The following RPH3AL variants were observed in gnomAD, a reference collection of about 807,000 sequenced individuals.
The protein encoded by RPH3AL is rabphilin 3A like (without C2 domains).
Under a neutral mutation model 43.1 loss-of-function variants are expected in RPH3AL, and 38 were observed. That is an observed-to-expected ratio of 0.88 (90% CI 0.68 to 1.15). The LOEUF is 1.15. Among genes scored for constraint, RPH3AL ranks in the 50% most tolerant of loss-of-function variants. RPH3AL has a pLI of 0.00. For missense variants in RPH3AL, 462 were observed against 423.2 expected (o/e 1.09, Z -0.81); for synonymous variants, 189 against 176.3 (o/e 1.07, Z -0.57).
rs531579555 is a variant in RPH3AL at position 306,042 on chromosome 17, G to T, written c.351+13378C>A. On this transcript the variant is annotated intron_variant, in intron 5 of 9. Coordinates refer to ENST00000331302, the MANE Select transcript of RPH3AL (RefSeq NM_006987.4). ...CCCAGCTATTTTTTTTTTTTTTTCA[G>T]TAGAGATGAGGTCTCACTACATTAC... is the stretch of plus-strand genomic sequence containing the variant. Among the ~76,000 whole-genome samples the T allele has an allele frequency of 2.1e-4, 26 of 126,562 alleles. 1 individual carries two copies. In the East Asian group the frequency reaches 5.7e-3, roughly 28 times the overall value. The allele number at this position is 126,562 out of a possible 152,430, so 83.0% of individuals were successfully genotyped here.
Position 284,253 on chromosome 17 carries a change from T to C in RPH3AL, c.352-2399A>G, listed in dbSNP as rs74754784. Reference sequence around the variant, plus strand: ...GAGGCAGGTGTTATGATCCCCACTATATAGATGAAGGAACAAAGGCTCAGA... The same window carrying C: ...GAGGCAGGTGTTATGATCCCCACTACATAGATGAAGGAACAAAGGCTCAGA... On this transcript the variant is annotated intron_variant, in intron 5 of 9. Transcript: ENST00000331302. Among the ~76,000 whole-genome samples the C allele has an allele frequency of 9.7e-4, 147 of 152,158 alleles. 1 individual carries two copies. The East Asian group carries it at 0.023, about 24-fold the overall frequency.
At chr17:247,006 G>T in intron 7 of RPH3AL, 105 bp downstream of exon 7, 3 of 1,238,452 alleles carry the variant, frequency 2.4e-6, no homozygotes, top group Non-Finnish European at 3.5e-6. Flanking sequence ...AATGAGCCTC[G>T]TGGATGGAGG....
At chr17:241,711 C>CTTTTTTTTTTTTT (rs1001979455) in intron 7 of RPH3AL, among the ~76,000 whole-genome samples, 4 of 92,764 alleles carry the variant, frequency 4.3e-5, no homozygotes, top group South Asian at 4.4e-4. Flanking sequence ...GTTTCTTTTT[C>CTTTTTTTTTTTTT]TTTTTTTTTC....
rs1555543632 is a variant in RPH3AL at position 253,770 on chromosome 17, G to C, written c.439-6485C>G. Reference sequence around the variant, plus strand: ...GACTACCCTACGTACTTCCTATGAGGGGAGCCGCACGGCGTCTGTCCTTTT... The same window carrying C: ...GACTACCCTACGTACTTCCTATGAGCGGAGCCGCACGGCGTCTGTCCTTTT... On this transcript the variant is annotated intron_variant, in intron 6 of 9. Coordinates refer to ENST00000331302, the MANE Select transcript of RPH3AL (RefSeq NM_006987.4). 3.1e-4 allele frequency among the ~76,000 whole-genome samples: 38 copies of C among 121,374 alleles called. 4 individuals carry two copies. In the East Asian group the frequency reaches 6.6e-3, roughly 21 times the overall value. 79.6% of individuals were successfully genotyped at this position (121,374 alleles called of 152,430 possible). A position where few individuals can be genotyped will look rare whatever the true frequency, so the allele number is the denominator to read the frequency against.
intron 5 of RPH3AL, among the ~76,000 whole-genome samples, chr17:286,601 G>C (rs185983706): frequency 6.6e-6 from 1 of 152,222 alleles, no homozygotes; most frequent in African/African-American, 2.4e-5. Context: ...TAAAGAAAAC[G>C]AAACAGGTGG....
intron 7 of RPH3AL, among the ~76,000 whole-genome samples, chr17:232,827 GGCGT>G (rs1302441873): frequency 3.8e-5 from 5 of 130,296 alleles, no homozygotes; most frequent in South Asian, 2.6e-4. Context: ...AGTCCTTTCC[GGCGT>G]GTGTGTGTGT....
intron 5 of RPH3AL, among the ~76,000 whole-genome samples, chr17:314,487 GTAGTCCCT>G (rs2043796235): frequency 4.4e-5 from 6 of 135,336 alleles, no homozygotes; most frequent in Admixed American, 1.5e-4. Flanking sequence ...CCATTGACCT[GTAGTCCCT>G]ATACTCCACG....
chr17:219,974 C>A (rs2040917714), intron 7 of RPH3AL, among the ~76,000 whole-genome samples: 1 of 152,182 alleles, frequency 6.6e-6, no homozygotes. Flanking sequence ...GGCTGACCAG[C>A]AGAGAAGAGT....
intron 5 of RPH3AL, among the ~76,000 whole-genome samples, chr17:288,373 G>A (rs372607825): frequency 0.017 from 7 of 416 alleles, no homozygotes; most frequent in East Asian, 0.1. Flanking sequence ...GTCAGACCTC[G>A]CACCCTCTCT....
At chr17:247,052 G>C in intron 7 of RPH3AL, 59 bp downstream of exon 7, 7 of 1,595,874 alleles carry the variant, frequency 4.4e-6, no homozygotes, top group Non-Finnish European at 6.0e-6. Flanking sequence ...CAAACTGCCG[G>C]GCTGGCTAAT....
intron 6 of RPH3AL, among the ~76,000 whole-genome samples, chr17:266,396 T>C (rs782402912): frequency 6.6e-6 from 1 of 152,112 alleles, no homozygotes; most frequent in African/African-American, 2.4e-5. Flanking sequence ...CACAGATTCA[T>C]AAAATTCATC....
chr17:248,747 T>C (rs990348430), intron 6 of RPH3AL, among the ~76,000 whole-genome samples: 1 of 152,254 alleles, frequency 6.6e-6, no homozygotes, highest in Non-Finnish European at 1.5e-5. Flanking sequence ...ATGCTCGCTG[T>C]GTGGCTTTGA....
chr17:228,919 T>C (rs929583914), intron 7 of RPH3AL, among the ~76,000 whole-genome samples: 3 of 152,228 alleles, frequency 2.0e-5, no homozygotes, highest in African/African-American at 7.2e-5. Context: ...GGTTGAGCTC[T>C]GGTCCTGCCT....
rs2044846196 is a variant in RPH3AL at position 333,199 on chromosome 17, A to AGAC, written c.-37+559_-37+560insGTC. ...GCAGACATCACTGCAGACACAGAGAAGGCCATTAGAGCTCACCACCCCGGG... is the reference window on the plus strand; with the variant it reads ...GCAGACATCACTGCAGACACAGAGAAGACGGCCATTAGAGCTCACCACCCCGGG... On this transcript the variant is annotated intron_variant, in intron 2 of 9. Coordinates refer to ENST00000331302, the MANE Select transcript of RPH3AL (RefSeq NM_006987.4). This position sits in a 1 kb window ranked among gnomAD's most constrained non-coding sequence, Gnocchi z 4.5. The AGAC allele has an allele frequency of 2.7e-6, 1 of 372,596 alleles. No individual in the cohort carries two copies. The highest frequency in any genetic ancestry group is 4.1e-5 in the African/African-American group (1 of 24,664). 23.1% of individuals were successfully genotyped at this position (372,596 alleles called of 1,614,324 possible).
At chr17:214,228 A>G (rs1017908288) in intron 9 of RPH3AL, among the ~76,000 whole-genome samples, 1 of 152,122 alleles carries the variant, frequency 6.6e-6, no homozygotes, top group Non-Finnish European at 1.5e-5. Flanking sequence ...CTTTAAGCCA[A>G]TCTTTCCCCA....
At chr17:348,902 A>G (rs2045301061) in intron 1 of RPH3AL, 1 of 152,152 alleles carries the variant, frequency 6.6e-6, no homozygotes, top group African/African-American at 2.4e-5. Context: ...TTACGTGTTA[A>G]TCTCTGGAAG....
chr17:335,082 C>T (rs2044914971), intron 1 of RPH3AL, among the ~76,000 whole-genome samples: 1 of 152,212 alleles, frequency 6.6e-6, no homozygotes, highest in South Asian at 2.1e-4. Context: ...GTCCGACCCA[C>T]GGTGAGCGTG....
At chr17:287,525 T>A (rs868767592) in intron 5 of RPH3AL, among the ~76,000 whole-genome samples, 1 of 182 alleles carries the variant, frequency 5.5e-3, no homozygotes, top group Non-Finnish European at 0.019. Flanking sequence ...CAGACCTCAC[T>A]CCCTCTCTCC....
intron 5 of RPH3AL, among the ~76,000 whole-genome samples, chr17:303,541 A>G (rs112643036): frequency 0.011 from 1,204 of 106,654 alleles, 85 homozygotes; most frequent in African/African-American, 0.026. Flanking sequence ...CAGGAAAGAG[A>G]TGGGGAGGGA....
Sources: allele counts gnomAD v4.1 joint callset (sites outside exome capture counted in the v4.1 genomes callset), GRCh38; gene constraint gnomAD v4.1.1; non-coding constraint Gnocchi (gnomAD v3.1); transcripts MANE v1.5; gene names NCBI Gene and HGNC (gene_info 2026-07-23, HGNC 2026-07-21).